Variants in PGM5 observed in about 807,000 individuals in gnomAD.
The protein encoded by PGM5 is phosphoglucomutase-like protein 5.
In PGM5, 23 loss-of-function variants were observed where a neutral mutation model predicts 59.2. That is an observed-to-expected ratio of 0.39 (90% CI 0.28 to 0.55). PGM5 has a LOEUF of 0.55. Ranked by LOEUF, PGM5 falls within the 20% of genes least tolerant of loss-of-function variation. The pLI is 0.66. For missense variants in PGM5, 574 were observed against 748.3 expected (o/e 0.77, Z 2.72); for synonymous variants, 214 against 286.0 (o/e 0.75, Z 2.54).
intron 6 of PGM5, among the ~76,000 whole-genome samples, chr9:68,460,696 CA>C (rs1823845808): frequency 6.6e-6 from 1 of 152,190 alleles, no homozygotes; most frequent in African/African-American, 2.4e-5. Context: ...TGCTATTTAA[CA>C]GCCCTTTTAA....
chr9:68,376,748 G>A (rs1821896916), intron 1 of PGM5, among the ~76,000 whole-genome samples: 1 of 150,464 alleles, frequency 6.6e-6, no homozygotes, highest in Non-Finnish European at 1.5e-5. Context: ...GGCCTTGGGT[G>A]GGCCTTGAGG....
At position 68,464,989 on chromosome 9, in the gene PGM5, T is replaced by C; in HGVS notation, c.1044-104T>C. 10 of 656,912 alleles carry C rather than the reference T, an allele frequency of 1.5e-5. No homozygotes were observed. The South Asian group carries it at 2.0e-4, about 13-fold the overall frequency. 40.7% of individuals were successfully genotyped at this position (656,912 alleles called of 1,614,324 possible). A position where few individuals can be genotyped will look rare whatever the true frequency, so the allele number is the denominator to read the frequency against. On this transcript the variant is annotated intron_variant, in intron 6 of 10. Transcript: ENST00000396396. ...CAACACTACCCAGGTTGTTCTGAAA[T>C]CTAGCTATGGATTTAGTAGATCCTA... is the stretch of plus-strand genomic sequence containing the variant.
intron 7 of PGM5, among the ~76,000 whole-genome samples, chr9:68,472,477 C>G (rs1375900789): frequency 1.3e-5 from 2 of 152,204 alleles, no homozygotes; most frequent in Admixed American, 1.3e-4. Flanking sequence ...CTCCCCCTCT[C>G]TTAGACAAAT....
At chr9:68,433,634 G>A (rs1296527383) in intron 6 of PGM5, among the ~76,000 whole-genome samples, 3 of 152,192 alleles carry the variant, frequency 2.0e-5, no homozygotes, top group African/African-American at 7.2e-5. Flanking sequence ...GTTTATGCAT[G>A]ATCTTAAATG....
chr9:68,383,759 A>C (rs1428313768), intron 2 of PGM5, among the ~76,000 whole-genome samples: 1 of 131,228 alleles, frequency 7.6e-6, no homozygotes, highest in African/African-American at 2.9e-5. Flanking sequence ...AAAAAAAAAA[A>C]AAGCAAAACC....
intron 6 of PGM5, among the ~76,000 whole-genome samples, chr9:68,443,651 C>G (rs181444329): frequency 1.3e-5 from 2 of 152,316 alleles, no homozygotes; most frequent in Admixed American, 1.3e-4. Flanking sequence ...TTTGGAGAAT[C>G]ACAGTAAAGG....
intron 10 of PGM5, among the ~76,000 whole-genome samples, chr9:68,499,673 T>A (rs782578581): frequency 6.6e-6 from 1 of 152,212 alleles, no homozygotes; most frequent in African/African-American, 2.4e-5. Context: ...CAAGGAAATT[T>A]AGCGTTAGAG....
At chr9:68,504,823 G>C (rs1258411995) in intron 10 of PGM5, among the ~76,000 whole-genome samples, 1 of 152,108 alleles carries the variant, frequency 6.6e-6, no homozygotes, top group Non-Finnish European at 1.5e-5. Flanking sequence ...CCTGGTACAT[G>C]GTAAATGCCC....
intron 6 of PGM5, among the ~76,000 whole-genome samples, chr9:68,456,763 T>A (rs1823786371): frequency 6.6e-6 from 1 of 151,968 alleles, no homozygotes; most frequent in Non-Finnish European, 1.5e-5. Context: ...TAGCTAGGAT[T>A]ACAGGAGCCC....
intron 2 of PGM5, among the ~76,000 whole-genome samples, chr9:68,380,604 G>A (rs1241721108): frequency 1.3e-5 from 2 of 151,458 alleles, no homozygotes; most frequent in African/African-American, 4.8e-5. Flanking sequence ...CAGAACAGAA[G>A]CAAATAAAAT....
intron 6 of PGM5, among the ~76,000 whole-genome samples, chr9:68,441,676 C>T (rs548002988): frequency 6.6e-6 from 1 of 152,068 alleles, no homozygotes; most frequent in Non-Finnish European, 1.5e-5. Context: ...ACACCTTTCC[C>T]CTAAGATCAG....
intron 6 of PGM5, among the ~76,000 whole-genome samples, chr9:68,464,759 A>G (rs1253640221): frequency 1.3e-5 from 2 of 152,170 alleles, no homozygotes; most frequent in Non-Finnish European, 2.9e-5. Flanking sequence ...TTTATGCCCA[A>G]ATACCCTCTT....
At chr9:68,459,222 G>T (rs1277042542) in intron 6 of PGM5, among the ~76,000 whole-genome samples, 1 of 152,082 alleles carries the variant, frequency 6.6e-6, no homozygotes, top group East Asian at 1.9e-4. Flanking sequence ...AAGTATAATG[G>T]ACATACAGAA....
Position 68,499,501 on chromosome 9 carries a change from C to A in PGM5, c.1614+140C>A, listed in dbSNP as rs1469176450. 2.1e-5 allele frequency: 18 copies of A among 842,522 alleles called. No homozygotes were observed. The African/African-American group carries it at 2.9e-4, about 14-fold the overall frequency. The allele number at this position is 842,522 out of a possible 1,614,324, so 52.2% of individuals were successfully genotyped here. On this transcript the variant is annotated intron_variant, in intron 10 of 10. Coordinates refer to ENST00000396396, the MANE Select transcript of PGM5 (RefSeq NM_021965.4). Reference sequence around the variant, plus strand: ...CAGCTGGAGGACAAGCTCAGGGCAACTCCAAGCAAGTTTAATTCGTTCATT... The same window carrying A: ...CAGCTGGAGGACAAGCTCAGGGCAAATCCAAGCAAGTTTAATTCGTTCATT...
At position 68,357,182 on chromosome 9, in the gene PGM5, C is replaced by G. The variant is rs1554675778; in HGVS notation, c.55C>G (p.Gln19Glu). Reference sequence around the variant, plus strand: ...AGTGCCCACCGCGCCCTACGAGGACCAGCGGCCGGCCGGCGGCGGGGGTCT... The same window carrying G: ...AGTGCCCACCGCGCCCTACGAGGACGAGCGGCCGGCCGGCGGCGGGGGTCT... ...LTVPTAPYED[Q>E]RPAGGGGLRR... is the part of the protein sequence containing the mutation. The change falls in exon 1 of 11, where the codon CAG (glutamine) becomes GAG (glutamate). Residue 19 changes from glutamine to glutamate, a missense_variant. By Grantham distance (29) the Gln-to-Glu change is conservative. Coordinates refer to ENST00000396396, the MANE Select transcript of PGM5 (RefSeq NM_021965.4). The G allele has an allele frequency of 1.1e-5, 17 of 1,538,894 alleles. No homozygotes were observed. The highest frequency in any genetic ancestry group is 1.5e-5 in the Non-Finnish European group (17 of 1,145,674).
At chr9:68,372,399 C>A (rs1304770759) in intron 1 of PGM5, among the ~76,000 whole-genome samples, 1 of 151,942 alleles carries the variant, frequency 6.6e-6, no homozygotes, top group Admixed American at 6.6e-5. Flanking sequence ...CTAGTAAGGA[C>A]AAAGTGCTGC....
chr9:68,487,463 T>TACACAC (rs67566624), intron 9 of PGM5, among the ~76,000 whole-genome samples: 3,618 of 141,796 alleles, frequency 0.026, 77 homozygotes, highest in African/African-American at 0.061. Flanking sequence ...CACACGCACA[T>TACACAC]ACACACACAC....
chr9:68,400,628 G>T, intron 6 of PGM5: 2 of 152,700 alleles, frequency 1.3e-5, no homozygotes. Context: ...TGATTGCAAA[G>T]AAAAATATAC....
chr9:68,502,830 C>G (rs1554688754), intron 10 of PGM5, among the ~76,000 whole-genome samples: 1 of 152,116 alleles, frequency 6.6e-6, no homozygotes, highest in East Asian at 1.9e-4. Flanking sequence ...GCGGGGATTA[C>G]AGGTGACCGC....
Sources: allele counts gnomAD v4.1 joint callset (sites outside exome capture counted in the v4.1 genomes callset), GRCh38; gene constraint gnomAD v4.1.1; transcripts MANE v1.5; gene names NCBI Gene and HGNC (gene_info 2026-07-23, HGNC 2026-07-21).